DENND4A: variants seen among roughly 807,000 people sequenced by gnomAD.
DENND4A encodes the protein DENN domain containing 4A, also known as C-myc promoter-binding protein.
DENND4A carries 70 observed loss-of-function variants against 199.3 expected under a neutral mutation model. The ratio of observed to expected loss-of-function variants is 0.35; its 90% CI spans 0.29 to 0.43. The LOEUF is 0.43. Among genes scored for constraint, DENND4A ranks in the 20% least tolerant of loss-of-function variants. DENND4A has a pLI of 1.00. For synonymous variants in DENND4A, 686 were observed against 766.9 expected (o/e 0.89, Z 1.74); for missense variants, 1,723 against 2,255.8 (o/e 0.76, Z 4.78).
chr15:65,721,613 A>T (rs2075648409), intron 12 of DENND4A, among the ~76,000 whole-genome samples: 1 of 147,824 alleles, frequency 6.8e-6, no homozygotes, highest in African/African-American at 2.5e-5. Flanking sequence ...AAAAAAAAAG[A>T]AAGAGAAAGA....
At chr15:65,769,696 C>CT (rs551498351) in intron 1 of DENND4A, among the ~76,000 whole-genome samples, 6 of 151,714 alleles carry the variant, frequency 4.0e-5, no homozygotes, top group African/African-American at 9.7e-5. Context: ...ATTTTCTTTT[C>CT]TTTTTTTTCA....
chr15:65,690,517 T>C lies in DENND4A; in HGVS notation c.4077A>G (p.Lys1359=). The C allele has an allele frequency of 6.2e-7, 1 of 1,613,480 alleles. No homozygotes were observed. The highest frequency in any genetic ancestry group is 8.5e-7 in the Non-Finnish European group (1 of 1,179,616). ...SFNLDTLLVP[K]LDVLRNSMFT... is the part of the protein sequence containing the mutation. ...ACATACTGTTTCTTAGAACATCTAG[T>C]TTAGGTACTAGTAGTGTATCTAAGT... is the stretch of plus-strand genomic sequence containing the variant. The change falls in exon 23 of 33, where the codon AAA becomes AAG. Residue 1359 remains lysine, a synonymous_variant. Transcript: ENST00000443035.
At chr15:65,680,441 A>T (rs1373754603) in intron 23 of DENND4A, among the ~76,000 whole-genome samples, 2 of 152,216 alleles carry the variant, frequency 1.3e-5, no homozygotes, top group Non-Finnish European at 2.9e-5. Flanking sequence ...GTATTTTAAC[A>T]TCCTGAACCA....
intron 21 of DENND4A, chr15:65,696,933 G>T: frequency 3.2e-6 from 1 of 307,998 alleles, no homozygotes; most frequent in Non-Finnish European, 6.3e-6. Flanking sequence ...AACTACAAAA[G>T]GATCACAAGC....
intron 13 of DENND4A, among the ~76,000 whole-genome samples, chr15:65,716,230 T>A (rs1180530244): frequency 2.6e-5 from 4 of 151,980 alleles, no homozygotes; most frequent in African/African-American, 7.2e-5. Flanking sequence ...TCTTTCTTTT[T>A]TTTTTCTTTT....
Position 65,696,407 on chromosome 15 carries a change from G to A in DENND4A, c.3041C>T (p.Thr1014Ile), listed in dbSNP as rs2142126192. Residue 1014 changes from threonine (T) to isoleucine (I), a missense_variant, in exon 22 of 33, where the codon ACA becomes ATA. Thr to Ile is a moderately conservative substitution (Grantham distance 89). Coordinates refer to ENST00000443035, the MANE Select transcript of DENND4A (RefSeq NM_001320835.1). The stretch of plus-strand genomic sequence containing the variant: ...TATTTTACCAGCACTGTTGTTACTT[G>A]TACCAGTGAGGCGAACGATACTGGA... ...NSSSIVRLTG[T>I]SNNSAGKISG... 1 of 1,612,582 alleles carries A rather than the reference G, an allele frequency of 6.2e-7. No individual in the cohort carries two copies. The highest frequency in any genetic ancestry group is 1.1e-5 in the South Asian group (1 of 91,044).
At chr15:65,785,317 C>A (rs770286145) in intron 1 of DENND4A, among the ~76,000 whole-genome samples, 218 of 149,644 alleles carry the variant, frequency 1.5e-3, no homozygotes, top group Non-Finnish European at 2.7e-3. Flanking sequence ...AAAACCTAGT[C>A]TCTACAAGAA....
In DENND4A at chr15:65,676,438, G is replaced by C; in HGVS notation, c.4369+7C>G. ...AAATGCAGTATGACAGAACTGTTTG[G>C]ACAAACCTTCCAAGGATGCAGAACT... On this transcript the variant is annotated splice_region_variant and intron_variant, in intron 24 of 32. Transcript: ENST00000443035. The C allele has an allele frequency of 6.3e-7, 1 of 1,592,674 alleles. No individual in the cohort carries two copies. Among genetic ancestry groups the C allele is most frequent in the South Asian group, 1.2e-5 (1 of 86,222 alleles).
At chr15:65,755,815 GC>G (rs2076686629) in intron 3 of DENND4A, among the ~76,000 whole-genome samples, 1 of 152,002 alleles carries the variant, frequency 6.6e-6, no homozygotes, top group South Asian at 2.1e-4. Context: ...ATGCTTAAAA[GC>G]CTTTTTTCGT....
chr15:65,663,530 C>A (rs1326632903), intron 32 of DENND4A, among the ~76,000 whole-genome samples: 2 of 151,978 alleles, frequency 1.3e-5, no homozygotes, highest in Non-Finnish European at 2.9e-5. Flanking sequence ...ATATTATATT[C>A]CCATAGATAT....
At chr15:65,708,660 C>A (rs1032374745) in intron 14 of DENND4A, among the ~76,000 whole-genome samples, 3 of 131,468 alleles carry the variant, frequency 2.3e-5, no homozygotes. Flanking sequence ...ACACCCACAG[C>A]AGGATAAAAT....
At chr15:65,746,197 C>G (rs1000832273) in intron 4 of DENND4A, among the ~76,000 whole-genome samples, 7 of 151,040 alleles carry the variant, frequency 4.6e-5, no homozygotes, top group African/African-American at 1.5e-4. Context: ...ACACAAGGTT[C>G]AAGGTGAAAA....
chr15:65,747,874 C>T (rs899587806), intron 4 of DENND4A, among the ~76,000 whole-genome samples: 23 of 151,820 alleles, frequency 1.5e-4, no homozygotes, highest in Admixed American at 1.5e-3. Context: ...AACCCCATCT[C>T]TACTAAATAT....
At chr15:65,762,794 C>T (rs181930711) in intron 1 of DENND4A, among the ~76,000 whole-genome samples, 5 of 152,146 alleles carry the variant, frequency 3.3e-5, no homozygotes, top group Admixed American at 3.3e-4. Context: ...AAATACCACA[C>T]CATTTTACGT....
rs955591231 is a variant in DENND4A at position 65,660,136 on chromosome 15, T to C, written c.*1715A>G. On this transcript the variant is annotated 3_prime_UTR_variant, in exon 33 of 33. Transcript: ENST00000443035. ...ACAAGTAGAACATGAAGCTTGGATC[T>C]GAATAGTAAAGAATAATATTGGAGT... 1.5e-5 allele frequency: 9 copies of C among 584,972 alleles called. No homozygotes were observed. Among genetic ancestry groups the C allele is most frequent in the Non-Finnish European group, 1.5e-5 (5 of 331,396 alleles). 36.2% of individuals were successfully genotyped at this position (584,972 alleles called of 1,614,324 possible). A position where few individuals can be genotyped will look rare whatever the true frequency, so the allele number is the denominator to read the frequency against.
intron 14 of DENND4A, among the ~76,000 whole-genome samples, chr15:65,712,644 C>T (rs150509177): frequency 6.1e-4 from 93 of 152,058 alleles, no homozygotes; most frequent in African/African-American, 2.1e-3. Context: ...ATTTAACAAT[C>T]AGTAAGGCCA....
At position 65,717,975 on chromosome 15, in the gene DENND4A, T is replaced by C. The variant is rs1381221820; in HGVS notation, c.1610A>G (p.Asp537Gly). The C allele has an allele frequency of 8.7e-6, 14 of 1,603,732 alleles. No individual in the cohort carries two copies. Among genetic ancestry groups the C allele is most frequent in the Admixed American group, 1.7e-5 (1 of 58,480 alleles). ...ATTTATTGCTAAATCCATGAGTCCA[T>C]CATCTCTCGGTCTCTGCTGCACTGT... ...LAKLQQRPRD[D>G]GLMDLAINDY... Residue 537 changes from aspartate to glycine, a missense_variant, in exon 13 of 33, where the codon GAT becomes GGT. Coordinates refer to ENST00000443035, the MANE Select transcript of DENND4A (RefSeq NM_001320835.1).
intron 14 of DENND4A, among the ~76,000 whole-genome samples, chr15:65,708,102 T>A (rs2075123545): frequency 6.6e-6 from 1 of 151,992 alleles, no homozygotes; most frequent in African/African-American, 2.4e-5. Context: ...GCTCAAGTGA[T>A]CCTCCTGCCT....
chr15:65,706,461 C>T (rs2075055039), intron 14 of DENND4A, among the ~76,000 whole-genome samples: 1 of 90,650 alleles, frequency 1.1e-5, no homozygotes, highest in Non-Finnish European at 2.1e-5. Context: ...CACACACACA[C>T]ACACACACAC....
Sources: allele counts gnomAD v4.1 joint callset (sites outside exome capture counted in the v4.1 genomes callset), GRCh38; gene constraint gnomAD v4.1.1; transcripts MANE v1.5; gene names NCBI Gene and HGNC (gene_info 2026-07-23, HGNC 2026-07-21).